RASSF3: variants seen among roughly 807,000 people sequenced by gnomAD.
The protein encoded by RASSF3 is ras association domain-containing protein 3.
A neutral mutation model predicts 19.9 loss-of-function variants in RASSF3; 19 were observed. That is an observed-to-expected ratio of 0.96 (90% CI 0.67 to 1.40). The LOEUF (loss-of-function observed/expected upper bound fraction) is 1.40. RASSF3 is among the 40% of genes most tolerant of loss of function. RASSF3 has a pLI of 0.00. For synonymous variants in RASSF3, 110 were observed against 104.2 expected (o/e 1.06, Z -0.34); for missense variants, 306 against 289.8 (o/e 1.06, Z -0.41).
At chr12:64,590,616 G>A (rs1397109908) in intron 2 of RASSF3, among the ~76,000 whole-genome samples, 2 of 152,188 alleles carry the variant, frequency 1.3e-5, no homozygotes, top group African/African-American at 4.8e-5. Flanking sequence ...TTTAACCAGA[G>A]TGCTGGAGTA....
In RASSF3 at chr12:64,657,049, G is replaced by A. The variant is rs545410213; in HGVS notation, c.112-27738G>A. Among the ~76,000 whole-genome samples the A allele has an allele frequency of 8.3e-5, 12 of 145,350 alleles. No homozygotes were observed. In the East Asian group the frequency reaches 2.0e-3, roughly 24 times the overall value. On this transcript the variant is annotated intron_variant, in intron 1 of 4. Transcript: ENST00000542104. ...TTTTCAGACAGAGTCTTACTCTGTCGCCCAGGCTGGAGTGCAATGGTGCTA... is the reference window on the plus strand; with the variant it reads ...TTTTCAGACAGAGTCTTACTCTGTCACCCAGGCTGGAGTGCAATGGTGCTA...
At chr12:64,577,416 G>A (rs939868353) in intron 2 of RASSF3, among the ~76,000 whole-genome samples, 6 of 152,184 alleles carry the variant, frequency 3.9e-5, no homozygotes, top group Admixed American at 2.0e-4. Flanking sequence ...TGAGAAATCG[G>A]TGTTGTCTGT....
rs375012459 is a variant in RASSF3, at chr12:64,548,090, C to G, written c.294+6385C>G. On this transcript the variant is annotated intron_variant, in intron 2 of 5. Transcript: ENST00000637125. ...CATGTTTCCTGCCGCTCTATATTCT[C>G]TGAAAAAGTGAGCTCTAAGGTGTAA... is the stretch of plus-strand genomic sequence containing the variant. Among the ~76,000 whole-genome samples the G allele has an allele frequency of 2.7e-4, 41 of 152,246 alleles. No individual in the cohort carries two copies. In the East Asian group the frequency reaches 5.4e-3, roughly 20 times the overall value.
chr12:64,675,443 C>T (rs890112398), intron 1 of RASSF3, among the ~76,000 whole-genome samples: 1 of 152,096 alleles, frequency 6.6e-6, no homozygotes, highest in African/African-American at 2.4e-5. Flanking sequence ...AGCCACTGTG[C>T]CCGGCCTGGT....
intron 1 of RASSF3, among the ~76,000 whole-genome samples, chr12:64,666,012 G>T (rs1040517343): frequency 6.6e-6 from 1 of 152,226 alleles, no homozygotes; most frequent in African/African-American, 2.4e-5. Context: ...TGTTCTTTTT[G>T]CTGACAAGAA....
At chr12:64,619,906 G>A (rs1239400136) in intron 1 of RASSF3, among the ~76,000 whole-genome samples, 2 of 151,882 alleles carry the variant, frequency 1.3e-5, no homozygotes, top group East Asian at 1.9e-4. Flanking sequence ...CTTGAACCTG[G>A]GAGGTGGAGG....
In RASSF3 at chr12:64,688,469, A is replaced by G. The variant is rs775696898; in HGVS notation, c.457+16A>G. On this transcript the variant is annotated intron_variant, in intron 3 of 4. Coordinates refer to ENST00000542104, the MANE Select transcript of RASSF3 (RefSeq NM_178169.4). ...GAAGACCAAGGTACGCTGCCAGCTT[A>G]AAAGGAAAATGGTCTGTGCTTCTAC... 2.6e-6 allele frequency: 4 copies of G among 1,567,290 alleles called. No homozygotes were observed. Among genetic ancestry groups the G allele is most frequent in the East Asian group, 2.2e-5 (1 of 44,642 alleles).
chr12:64,665,035 C>T (rs1872501170), intron 1 of RASSF3, among the ~76,000 whole-genome samples: 2 of 152,158 alleles, frequency 1.3e-5, no homozygotes, highest in Non-Finnish European at 2.9e-5. Context: ...TACCCTTCCA[C>T]CTCTAAAAAG....
At chr12:64,670,173 G>A (rs947606930) in intron 1 of RASSF3, among the ~76,000 whole-genome samples, 1 of 152,086 alleles carries the variant, frequency 6.6e-6, no homozygotes, top group African/African-American at 2.4e-5. Context: ...CATTAAGGAG[G>A]ACGGACAGCC....
chr12:64,651,294 A>G lies in RASSF3; in HGVS notation c.112-33493A>G, dbSNP rs548428533. The stretch of plus-strand genomic sequence containing the variant: ...AGAGACAATAAAAATGATAATGACA[A>G]TGGTGCCTGGAGATGCGTATGTTAA... On this transcript the variant is annotated intron_variant, in intron 1 of 4. Transcript: ENST00000542104. 5.9e-5 allele frequency among the ~76,000 whole-genome samples: 9 copies of G among 152,316 alleles called. No homozygotes were observed. In the South Asian group the frequency reaches 1.9e-3, roughly 32 times the overall value.
upstream of RASSF3, chr12:64,533,154 G>A (rs1868750209): frequency 6.6e-6 from 1 of 152,302 alleles, no homozygotes; most frequent in South Asian, 2.1e-4. Context: ...AGAGGCCGAG[G>A]GCCTGCTCCC....
chr12:64,612,262 T>C lies in RASSF3; in HGVS notation c.111+1519T>C, dbSNP rs550632920. 5.9e-5 allele frequency among the ~76,000 whole-genome samples: 9 copies of C among 152,286 alleles called. No individual in the cohort carries two copies. The East Asian group carries it at 1.7e-3, about 29-fold the overall frequency. ...TTGCATTTTCTCCTTTCATTTATGT[T>C]GCTTTCACCACTTGACATGAAAAGG... On this transcript the variant is annotated intron_variant, in intron 1 of 4. Transcript: ENST00000542104.
chr12:64,579,337 A>G (rs917082890), intron 2 of RASSF3, among the ~76,000 whole-genome samples: 5 of 146,836 alleles, frequency 3.4e-5, no homozygotes, highest in African/African-American at 1.2e-4. Context: ...TATTAGCAAT[A>G]GCCAAGTTCT....
intron 1 of RASSF3, among the ~76,000 whole-genome samples, chr12:64,658,724 C>G (rs1021152552): frequency 1.3e-5 from 2 of 151,964 alleles, no homozygotes; most frequent in Non-Finnish European, 2.9e-5. Flanking sequence ...TTGCTTGAAC[C>G]CAGGAAGTGG....
intron 1 of RASSF3, among the ~76,000 whole-genome samples, chr12:64,536,262 G>A (rs1261223431): frequency 2.0e-5 from 3 of 151,192 alleles, no homozygotes; most frequent in East Asian, 2.0e-4. Context: ...TGCCCGCCTC[G>A]GCCTCCCAAA....
intron 2 of RASSF3, among the ~76,000 whole-genome samples, chr12:64,556,396 G>A (rs948482727): frequency 2.6e-5 from 4 of 152,102 alleles, no homozygotes; most frequent in African/African-American, 9.7e-5. Context: ...GGGCTCAAGA[G>A]ATCCTCCCAC....
At chr12:64,563,915 C>T (rs1869387762) in intron 2 of RASSF3, among the ~76,000 whole-genome samples, 1 of 152,114 alleles carries the variant, frequency 6.6e-6, no homozygotes, top group Non-Finnish European at 1.5e-5. Flanking sequence ...TTCTTCTCTC[C>T]CCCATCTAGA....
chr12:64,691,695 C>T (rs1868284653), intron 4 of RASSF3, 116 bp downstream of exon 4: 1 of 743,114 alleles, frequency 1.3e-6, no homozygotes, highest in South Asian at 1.7e-5. Flanking sequence ...AGTTGGAGGG[C>T]AGGGGGATGG....
chr12:64,686,824 C>G (rs1293152650), intron 2 of RASSF3, among the ~76,000 whole-genome samples: 1 of 152,020 alleles, frequency 6.6e-6, no homozygotes, highest in Non-Finnish European at 1.5e-5. Flanking sequence ...GAGACCCTGT[C>G]TCAAAAAAGA....
Sources: gnomAD v4.1 joint callset for allele counts (sites outside exome capture counted in the v4.1 genomes callset) on GRCh38, gnomAD v4.1.1 for gene constraint, MANE v1.5 for transcripts, NCBI Gene and HGNC (gene_info 2026-07-23, HGNC 2026-07-21) for gene names.